Variants in RNF20 observed in about 807,000 individuals in gnomAD.
The protein encoded by RNF20 is E3 ubiquitin-protein ligase BRE1A.
A neutral mutation model predicts 126.2 loss-of-function variants in RNF20; 84 were observed. That is an observed-to-expected ratio of 0.67 (90% CI 0.56 to 0.80). The LOEUF is 0.80. Among genes scored for constraint, RNF20 ranks in the 30% least tolerant of loss-of-function variants. RNF20 has a pLI of 0.00. For missense variants in RNF20, 869 were observed against 1,188.2 expected (o/e 0.73, Z 3.95); for synonymous variants, 400 against 414.3 (o/e 0.97, Z 0.42).
chr9:101,535,769 C>G (rs561135047), intron 2 of RNF20, among the ~76,000 whole-genome samples: 1 of 152,120 alleles, frequency 6.6e-6, no homozygotes, highest in African/African-American at 2.4e-5. Flanking sequence ...TATATTCTTT[C>G]GAGAATCTGG....
intron 2 of RNF20, among the ~76,000 whole-genome samples, chr9:101,537,173 A>C (rs1827197785): frequency 6.6e-6 from 1 of 152,250 alleles, no homozygotes; most frequent in South Asian, 2.1e-4. Flanking sequence ...GCAGGCTGAC[A>C]GGACTTAGCA....
At chr9:101,541,386 T>C (rs997408919) in intron 5 of RNF20, among the ~76,000 whole-genome samples, 2 of 152,208 alleles carry the variant, frequency 1.3e-5, no homozygotes, top group African/African-American at 4.8e-5. Context: ...TTAATTAAAT[T>C]TTTAGAAATT....
chr9:101,560,639 G>T (rs895535273), intron 16 of RNF20, 162 bp from the exon 17 acceptor site: 15 of 503,512 alleles, frequency 3.0e-5, no homozygotes, highest in Admixed American at 3.8e-5. Context: ...AAAGCTTTCA[G>T]TTATCATAGT....
chr9:101,561,405 T>C (rs1292866560), intron 18 of RNF20, 175 bp downstream of exon 18: 3 of 636,054 alleles, frequency 4.7e-6, no homozygotes, highest in African/African-American at 3.7e-5. Context: ...CAGACTCTTT[T>C]ATGGTGCCTT....
At chr9:101,552,785 C>T in intron 13 of RNF20, 32 bp downstream of exon 13, 1 of 1,555,738 alleles carries the variant, frequency 6.4e-7, no homozygotes, top group East Asian at 2.2e-5. Flanking sequence ...ACAGTTTCGA[C>T]TGAAAAGCTA....
chr9:101,557,364 T>C lies in RNF20; in HGVS notation c.2170-20T>C. The C allele has an allele frequency of 1.3e-6, 2 of 1,577,912 alleles. No individual in the cohort carries two copies. The highest frequency in any genetic ancestry group is 1.7e-5 in the Admixed American group (1 of 59,540). Reference sequence around the variant, plus strand: ...GTTGGAAGATTCTTCTAAAATCAAATCTCTTCCTTCATCCTTTAGGAAGAA... The same window carrying C: ...GTTGGAAGATTCTTCTAAAATCAAACCTCTTCCTTCATCCTTTAGGAAGAA... On this transcript the variant is annotated intron_variant, in intron 15 of 19. Coordinates refer to ENST00000389120, the MANE Select transcript of RNF20 (RefSeq NM_019592.7).
At position 101,552,729 on chromosome 9, in the gene RNF20, T is replaced by C. The variant is rs765173562; in HGVS notation, c.1877T>C (p.Ile626Thr). ...DDGRKKEAEIIKQLKIELKKA... is the reference protein window; with the variant it reads ...DDGRKKEAEITKQLKIELKKA... Reference sequence around the variant, plus strand: ...GGACGGAAAAAGGAAGCAGAAATTATCAAACAATTGAAGATTGAACTCAAG... The same window carrying C: ...GGACGGAAAAAGGAAGCAGAAATTACCAAACAATTGAAGATTGAACTCAAG... Residue 626 changes from isoleucine (I) to threonine (T), a missense_variant, in exon 13 of 20, where the codon ATC becomes ACC. This residue lies in a region of RNF20 where 231 missense variants were observed against 263.6 expected (regional missense o/e 0.88). Coordinates refer to ENST00000389120, the MANE Select transcript of RNF20 (RefSeq NM_019592.7). 3 of 1,607,692 alleles carry C rather than the reference T, an allele frequency of 1.9e-6. No homozygotes were observed. The highest frequency in any genetic ancestry group is 1.7e-5 in the Admixed American group (1 of 59,480).
Position 101,540,610 on chromosome 9 carries a change from C to T in RNF20, c.418C>T (p.Gln140Ter). 3 of 1,614,068 alleles carry T rather than the reference C, an allele frequency of 1.9e-6. No homozygotes were observed. The highest frequency in any genetic ancestry group is 2.5e-6 in the Non-Finnish European group (3 of 1,180,018). ...ACCAGAACCAGACTCTGATAGCAAT[C>T]AGGAGCGTAAAGATGACCGAGAGAG... is the stretch of plus-strand genomic sequence containing the variant. The part of the protein sequence containing the change: ...PEPEPDSDSN[Q>*]ERKDDRERGE... The change falls in exon 4 of 20, where the codon CAG becomes TAG. Residue 140 changes from glutamine (Q) to a stop codon, truncating the protein, a stop_gained. Coordinates refer to ENST00000389120, the MANE Select transcript of RNF20 (RefSeq NM_019592.7). LOFTEE classifies it high-confidence loss of function.
chr9:101,543,879 A>G lies in RNF20; in HGVS notation c.629-888A>G, dbSNP rs115294123. On this transcript the variant is annotated intron_variant, in intron 5 of 19. Coordinates refer to ENST00000389120, the MANE Select transcript of RNF20 (RefSeq NM_019592.7). ...TGGAGGTTCTTATTAAGTAGGTATG[A>G]GATAGGTCCTAGGGAAATGTCTATT... Among the ~76,000 whole-genome samples, 1,045 of 152,310 alleles carry G rather than the reference A, an allele frequency of 6.9e-3. 8 individuals are homozygous for G. The highest frequency in any genetic ancestry group is 0.024 in the African/African-American group (1,010 of 41,564).
At chr9:101,555,661 G>T (rs1827520697) in intron 15 of RNF20, among the ~76,000 whole-genome samples, 1 of 152,026 alleles carries the variant, frequency 6.6e-6, no homozygotes, top group East Asian at 1.9e-4. Flanking sequence ...GTTAACAAGT[G>T]TAATTTTGGG....
At chr9:101,554,213 GT>G in intron 14 of RNF20, 108 bp downstream of exon 14, 3 of 636,298 alleles carry the variant, frequency 4.7e-6, no homozygotes, top group Non-Finnish European at 2.7e-6. Flanking sequence ...TAAAATAAGT[GT>G]TTAAGTGCAA....
intron 9 of RNF20, among the ~76,000 whole-genome samples, chr9:101,548,137 AATGTG>A (rs1266420124): frequency 6.6e-6 from 1 of 152,102 alleles, no homozygotes; most frequent in Non-Finnish European, 1.5e-5. Context: ...TGGATAAAGA[AATGTG>A]GTGTGTGTTT....
chr9:101,552,602 C>G lies in RNF20; in HGVS notation c.1750C>G (p.Arg584Gly). 6.4e-7 allele frequency: 1 copy of G among 1,562,068 alleles called. No homozygotes were observed. The highest frequency in any genetic ancestry group is 1.4e-5 in the African/African-American group (1 of 73,606). ...GAAGGAGAGGGAACGAGAAAGAGAA[C>G]GGGAGAAGGAGAAGGAGAGAGAACG... ...REKERERERE[R>G]EKEKEREREK... Residue 584 changes from arginine to glycine, a missense_variant, in exon 13 of 20, where the codon CGG becomes GGG. Around this residue, in one of 8 missense-constraint regions of RNF20, gnomAD observed 231 missense variants for 263.6 expected, o/e 0.88. Coordinates refer to ENST00000389120, the MANE Select transcript of RNF20 (RefSeq NM_019592.7).
At chr9:101,558,696 A>G (rs774764409) in intron 16 of RNF20, among the ~76,000 whole-genome samples, 6 of 152,090 alleles carry the variant, frequency 3.9e-5, no homozygotes, top group Non-Finnish European at 5.9e-5. Flanking sequence ...GGCCATTTGT[A>G]TATATTCTTT....
intron 2 of RNF20, among the ~76,000 whole-genome samples, chr9:101,539,413 G>A (rs1827227069): frequency 6.6e-6 from 1 of 152,170 alleles, no homozygotes; most frequent in Non-Finnish European, 1.5e-5. Context: ...GAGAACCAAG[G>A]AGGCTGTTAG....
At chr9:101,538,212 G>A (rs184069986) in intron 2 of RNF20, among the ~76,000 whole-genome samples, 1 of 152,308 alleles carries the variant, frequency 6.6e-6, no homozygotes, top group East Asian at 1.9e-4. Context: ...GTGGGAGTTG[G>A]TGGCTGAAGG....
intron 16 of RNF20, among the ~76,000 whole-genome samples, chr9:101,560,478 T>G (rs965085800): frequency 6.6e-6 from 1 of 152,174 alleles, no homozygotes; most frequent in Non-Finnish European, 1.5e-5. Context: ...CTCTTGGACT[T>G]TTGTTTGAGT....
At position 101,554,690 on chromosome 9, in the gene RNF20, A is replaced by C. The variant is rs370287931; in HGVS notation, c.2020-4A>C. The C allele has an allele frequency of 1.2e-6, 2 of 1,610,104 alleles. No homozygotes were observed. The highest frequency in any genetic ancestry group is 2.7e-5 in the African/African-American group (2 of 74,698). ...ATTTTTGTGCAATTCCTTTCCTCTT[A>C]TAGTTGGAAGATCTAAGGCAAAGAC... On this transcript the variant is annotated splice_region_variant and splice_polypyrimidine_tract_variant and intron_variant, in intron 14 of 19. Coordinates refer to ENST00000389120, the MANE Select transcript of RNF20 (RefSeq NM_019592.7).
At chr9:101,555,182 C>T (rs1274885959) in intron 15 of RNF20, among the ~76,000 whole-genome samples, 1 of 151,660 alleles carries the variant, frequency 6.6e-6, no homozygotes, top group Non-Finnish European at 1.5e-5. Flanking sequence ...AAAAATAAGA[C>T]ATAAGATTTT....
Sources: allele counts gnomAD v4.1 joint callset (sites outside exome capture counted in the v4.1 genomes callset), GRCh38; gene constraint gnomAD v4.1.1; regional missense constraint gnomAD v4.1.1; transcripts MANE v1.5; gene names NCBI Gene and HGNC (gene_info 2026-07-23, HGNC 2026-07-21).